Variants in MAGI2 observed in about 807,000 individuals in gnomAD.
The protein encoded by MAGI2 is membrane-associated guanylate kinase, WW and PDZ domain-containing protein 2.
Under a neutral mutation model 133.3 loss-of-function variants are expected in MAGI2, and 35 were observed. That is an observed-to-expected ratio of 0.26 (90% CI 0.20 to 0.35). The LOEUF is 0.35. Ranked by LOEUF, MAGI2 falls within the 10% of genes least tolerant of loss-of-function variation. The pLI is 1.00. For synonymous variants in MAGI2, 729 were observed against 710.6 expected, an observed-to-expected ratio of 1.03 and a Z score of -0.41; for missense variants, 1,636 against 1,863.4, an observed-to-expected ratio of 0.88 and a Z score of 2.25.
At chr7:78,279,562 G>A (rs1423043979) in intron 9 of MAGI2, among the ~76,000 whole-genome samples, 1 of 152,164 alleles carries the variant, frequency 6.6e-6, no homozygotes, top group Non-Finnish European at 1.5e-5. Flanking sequence ...CTTAGCTGCA[G>A]CTAGGAAATA....
rs111309388 is a variant in MAGI2, at chr7:78,763,708, C to T, written c.419-136469G>A. 7.3e-3 allele frequency among the ~76,000 whole-genome samples: 1,071 copies of T among 146,620 alleles called. 5 individuals carry two copies. The highest frequency in any genetic ancestry group is 0.01 in the Non-Finnish European group (679 of 65,902). ...CCCTAAAGAGTCCAATTATCTCCAC[C>T]TAAACAAGGAAAGTACAAAAAAATA... On this transcript the variant is annotated intron_variant, in intron 2 of 21. Transcript: ENST00000354212.
rs1159874366 is a variant in MAGI2 at position 78,961,938 on chromosome 7, C to T, written c.418+45152G>A. On this transcript the variant is annotated intron_variant, in intron 2 of 21. Coordinates refer to ENST00000354212, the MANE Select transcript of MAGI2 (RefSeq NM_012301.4). ...GGCTATATGGTATAGCCTATTGCTC[C>T]CAGGCCATAAACTTATACAGTATGT... Among the ~76,000 whole-genome samples, 3 of 152,028 alleles carry T rather than the reference C, an allele frequency of 2.0e-5. No individual in the cohort carries two copies. The East Asian group carries it at 5.8e-4, about 29-fold the overall frequency.
intron 16 of MAGI2, among the ~76,000 whole-genome samples, chr7:78,152,953 C>T (rs1458790975): frequency 1.3e-5 from 2 of 152,180 alleles, no homozygotes; most frequent in Non-Finnish European, 2.9e-5. Flanking sequence ...TGGTTAAGAA[C>T]TCTGAAAGGG....
intron 6 of MAGI2, among the ~76,000 whole-genome samples, chr7:78,370,010 G>A (rs1378288197): frequency 1.3e-5 from 2 of 151,896 alleles, no homozygotes; most frequent in Non-Finnish European, 2.9e-5. Flanking sequence ...TGGTAGATAT[G>A]AATTTTTACA....
At chr7:79,102,840 G>A (rs1219227990) in intron 1 of MAGI2, among the ~76,000 whole-genome samples, 1 of 152,210 alleles carries the variant, frequency 6.6e-6, no homozygotes, top group African/African-American at 2.4e-5. Context: ...TAATCTAGGT[G>A]TTGCTGCGAA....
chr7:78,296,549 A>G (rs1422729081), intron 9 of MAGI2, among the ~76,000 whole-genome samples: 1 of 152,184 alleles, frequency 6.6e-6, no homozygotes, highest in African/African-American at 2.4e-5. Context: ...AAATATTCCA[A>G]GATGCTGGGG....
chr7:78,206,028 ACTT>A (rs1829698316), intron 10 of MAGI2, among the ~76,000 whole-genome samples: 1 of 152,250 alleles, frequency 6.6e-6, no homozygotes, highest in East Asian at 1.9e-4. Flanking sequence ...TTCAGAACTT[ACTT>A]TTCCTGACAC....
intron 1 of MAGI2, among the ~76,000 whole-genome samples, chr7:79,373,170 G>T (rs1843162845): frequency 6.6e-6 from 1 of 151,832 alleles, no homozygotes; most frequent in South Asian, 2.1e-4. Context: ...TATTACATTT[G>T]TTTTTCTTTT....
chr7:79,260,399 CAT>C (rs1280773244), intron 1 of MAGI2, among the ~76,000 whole-genome samples: 8 of 79,340 alleles, frequency 1.0e-4, no homozygotes, highest in African/African-American at 3.0e-4. Flanking sequence ...TACATACATA[CAT>C]ACATACATAC....
chr7:79,127,579 T>C (rs1435188342), intron 1 of MAGI2, among the ~76,000 whole-genome samples: 2 of 152,254 alleles, frequency 1.3e-5, no homozygotes, highest in Non-Finnish European at 2.9e-5. Flanking sequence ...CATGTGTTTT[T>C]GGCTGCATAA....
intron 10 of MAGI2, among the ~76,000 whole-genome samples, chr7:78,210,297 G>C (rs1787644706): frequency 6.6e-6 from 1 of 152,168 alleles, no homozygotes; most frequent in African/African-American, 2.4e-5. Flanking sequence ...AGTAATGGTA[G>C]TGAAGGGTGA....
chr7:78,795,641 A>AT (rs1583920261), intron 2 of MAGI2, among the ~76,000 whole-genome samples: 1 of 37,422 alleles, frequency 2.7e-5, no homozygotes, highest in East Asian at 0.015. Flanking sequence ...TCACAGAAAT[A>AT]TAAAAAAAAT....
chr7:78,165,724 C>T (rs73703712), intron 15 of MAGI2, among the ~76,000 whole-genome samples: 1,902 of 152,264 alleles, frequency 0.012, 45 homozygotes, highest in African/African-American at 0.044. Flanking sequence ...CTTGCACCTC[C>T]CACTGCCTTT....
chr7:78,976,713 C>CAAAA (rs57312292), intron 2 of MAGI2, among the ~76,000 whole-genome samples: 4 of 147,030 alleles, frequency 2.7e-5, no homozygotes, highest in African/African-American at 9.9e-5. Flanking sequence ...AAAAAAACTA[C>CAAAA]AAAAAAAAAA....
chr7:78,766,018 G>A (rs1015202220), intron 2 of MAGI2, among the ~76,000 whole-genome samples: 5 of 152,184 alleles, frequency 3.3e-5, no homozygotes, highest in Non-Finnish European at 5.9e-5. Context: ...ACAGCTGTAC[G>A]AATCCAAGAT....
At chr7:78,995,668 A>G (rs1490328598) in intron 2 of MAGI2, among the ~76,000 whole-genome samples, 1 of 152,130 alleles carries the variant, frequency 6.6e-6, no homozygotes, top group African/African-American at 2.4e-5. Context: ...AGTCTAATCT[A>G]TTTAATTTTG....
At chr7:78,083,422 G>GAGAGAGAC (rs1816263561) in intron 20 of MAGI2, among the ~76,000 whole-genome samples, 1 of 146,510 alleles carries the variant, frequency 6.8e-6, no homozygotes, top group African/African-American at 2.5e-5. Flanking sequence ...GAGAGAGAGA[G>GAGAGAGAC]AGAGAGAGAC....
At chr7:78,968,420 G>T (rs75638802) in intron 2 of MAGI2, among the ~76,000 whole-genome samples, 4,029 of 148,660 alleles carry the variant, frequency 0.027, 171 homozygotes, top group African/African-American at 0.093. Flanking sequence ...TTCAATTTTT[G>T]TCATCAGTTT....
At chr7:78,602,631 C>CAA (rs1805328588) in intron 3 of MAGI2, among the ~76,000 whole-genome samples, 1 of 151,670 alleles carries the variant, frequency 6.6e-6, no homozygotes, top group African/African-American at 2.4e-5. Flanking sequence ...CAGAATAAAA[C>CAA]AAATGAAAGG....
Sources: gnomAD v4.1 joint callset for allele counts (sites outside exome capture counted in the v4.1 genomes callset) on GRCh38, gnomAD v4.1.1 for gene constraint, MANE v1.5 for transcripts, NCBI Gene and HGNC (gene_info 2026-07-23, HGNC 2026-07-21) for gene names.